Variants in GRM1 observed in about 807,000 individuals in gnomAD.
The protein encoded by GRM1 is metabotropic glutamate receptor 1.
In GRM1, 33 loss-of-function variants were observed where a neutral mutation model predicts 90.9. The ratio of observed to expected loss-of-function variants is 0.36; its 90% CI spans 0.28 to 0.49. The LOEUF (loss-of-function observed/expected upper bound fraction) is 0.49. GRM1 is among the 20% of genes least tolerant of loss of function. The pLI, the probability that GRM1 is intolerant of heterozygous loss-of-function variation, is 0.99. For synonymous variants in GRM1, 700 were observed against 613.2 expected (o/e 1.14, Z -2.09); for missense variants, 1,190 against 1,534.3 (o/e 0.78, Z 3.75).
intron 1 of GRM1, among the ~76,000 whole-genome samples, chr6:146,133,282 T>G (rs1194365190): frequency 6.6e-6 from 1 of 152,252 alleles, no homozygotes; most frequent in Non-Finnish European, 1.5e-5. Context: ...ATTCCTAATT[T>G]TGGGCTTCTC....
chr6:146,111,503 A>G (rs902012125), intron 1 of GRM1, among the ~76,000 whole-genome samples: 2 of 152,254 alleles, frequency 1.3e-5, no homozygotes, highest in African/African-American at 4.8e-5. Flanking sequence ...TTGATAACAT[A>G]GTCACAGCAG....
At chr6:146,432,047 CAGAAA>C (rs1323460702) in intron 7 of GRM1, among the ~76,000 whole-genome samples, 1 of 152,136 alleles carries the variant, frequency 6.6e-6, no homozygotes, top group Non-Finnish European at 1.5e-5. Context: ...TTGTTTACCT[CAGAAA>C]AGAGTCAGCT....
chr6:146,432,406 A>G (rs1583492045), intron 7 of GRM1, among the ~76,000 whole-genome samples: 2 of 152,342 alleles, frequency 1.3e-5, no homozygotes, highest in South Asian at 2.1e-4. Flanking sequence ...ATGTCAAAAT[A>G]TTACCTTCAT....
intron 2 of GRM1, among the ~76,000 whole-genome samples, chr6:146,213,699 GATA>G (rs1779758106): frequency 6.6e-6 from 1 of 151,180 alleles, no homozygotes; most frequent in African/African-American, 2.4e-5. Context: ...TAGATAGATA[GATA>G]GATAGATAGA....
At chr6:146,372,033 C>G (rs1775922298) in intron 5 of GRM1, among the ~76,000 whole-genome samples, 1 of 152,008 alleles carries the variant, frequency 6.6e-6, no homozygotes, top group Non-Finnish European at 1.5e-5. Flanking sequence ...TAAGGAAACT[C>G]CAAACTATTC....
At chr6:146,112,952 G>A (rs1277369837) in intron 1 of GRM1, among the ~76,000 whole-genome samples, 1 of 151,932 alleles carries the variant, frequency 6.6e-6, no homozygotes, top group Non-Finnish European at 1.5e-5. Context: ...CAATAGACAG[G>A]GTAAAACTTT....
intron 7 of GRM1, among the ~76,000 whole-genome samples, chr6:146,403,728 C>T (rs113132996): frequency 0.013 from 2,026 of 152,172 alleles, 46 homozygotes; most frequent in African/African-American, 0.042. Context: ...AGTGAGTTTA[C>T]AGATATCATG....
At chr6:146,143,202 G>A (rs974053759) in intron 1 of GRM1, among the ~76,000 whole-genome samples, 10 of 152,150 alleles carry the variant, frequency 6.6e-5, no homozygotes, top group Admixed American at 1.3e-4. Context: ...AGGTCCTCAC[G>A]TTCTTTGAAT....
Position 146,188,860 on chromosome 6 carries a change from A to G in GRM1, c.950+29263A>G, listed in dbSNP as rs188815361. Among the ~76,000 whole-genome samples, 926 of 152,312 alleles carry G rather than the reference A, an allele frequency of 6.1e-3. 8 individuals carry two copies. Among genetic ancestry groups the G allele is most frequent in the Non-Finnish European group, 6.3e-3 (429 of 68,038 alleles). On this transcript the variant is annotated intron_variant, in intron 2 of 7. Transcript: ENST00000282753. ...TGCCTCACTTCCAAACAACAGTAGT[A>G]GTTACACATTTCTCTTTTCCCTGGC...
intron 2 of GRM1, among the ~76,000 whole-genome samples, chr6:146,179,657 G>C (rs543038456): frequency 3.3e-5 from 5 of 152,248 alleles, no homozygotes; most frequent in African/African-American, 1.2e-4. Flanking sequence ...GGGACTACAG[G>C]TGCCGGCCAC....
At chr6:146,140,645 A>G (rs1776841499) in intron 1 of GRM1, among the ~76,000 whole-genome samples, 1 of 152,234 alleles carries the variant, frequency 6.6e-6, no homozygotes, top group African/African-American at 2.4e-5. Context: ...TAAACGGATG[A>G]AAACTTAACA....
At chr6:146,414,681 T>C (rs148177155) in intron 7 of GRM1, among the ~76,000 whole-genome samples, 1,965 of 152,290 alleles carry the variant, frequency 0.013, 48 homozygotes, top group African/African-American at 0.045. Flanking sequence ...GCATTACAGG[T>C]GTGAGCCACC....
At chr6:146,188,340 A>G (rs1429463428) in intron 2 of GRM1, among the ~76,000 whole-genome samples, 2 of 152,106 alleles carry the variant, frequency 1.3e-5, no homozygotes, top group South Asian at 2.1e-4. Flanking sequence ...TTTTTGTAGC[A>G]TACAGTCTAG....
intron 2 of GRM1, among the ~76,000 whole-genome samples, chr6:146,234,771 C>G (rs1265925720): frequency 6.6e-6 from 1 of 152,098 alleles, no homozygotes; most frequent in African/African-American, 2.4e-5. Context: ...GAGACAGGGT[C>G]TCACTCTGTC....
At chr6:146,253,774 C>A (rs1025215742) in intron 2 of GRM1, among the ~76,000 whole-genome samples, 1 of 152,116 alleles carries the variant, frequency 6.6e-6, no homozygotes, top group South Asian at 2.1e-4. Context: ...ACTGACAAAT[C>A]TTCTGCATAA....
chr6:146,164,238 G>T (rs958244877), intron 2 of GRM1, among the ~76,000 whole-genome samples: 3 of 152,116 alleles, frequency 2.0e-5, no homozygotes, highest in Non-Finnish European at 4.4e-5. Context: ...TTGAAAAGCA[G>T]AGAAGTTCAA....
rs1044236686 is a variant in GRM1, at chr6:146,281,478, A to G, written c.951-23133A>G. Among the ~76,000 whole-genome samples the G allele has an allele frequency of 1.7e-4, 26 of 152,234 alleles. 1 individual carries two copies. Among genetic ancestry groups the G allele is most frequent in the Non-Finnish European group, 1.0e-4 (7 of 68,044 alleles). On this transcript the variant is annotated intron_variant, in intron 2 of 7. Transcript: ENST00000282753. ...AACTCAGACTCCTAAAGAAATTGTA[A>G]TTAAAAATGGCCTTTTGCTATGTTT...
intron 3 of GRM1, among the ~76,000 whole-genome samples, chr6:146,347,521 CA>C (rs1178375044): frequency 6.6e-6 from 1 of 151,988 alleles, no homozygotes; most frequent in Non-Finnish European, 1.5e-5. Flanking sequence ...AGTTAGTATG[CA>C]AATATCACCA....
At chr6:146,381,405 G>A (rs1284079550) in intron 5 of GRM1, among the ~76,000 whole-genome samples, 1 of 152,136 alleles carries the variant, frequency 6.6e-6, no homozygotes, top group Non-Finnish European at 1.5e-5. Flanking sequence ...TATTCTAACA[G>A]GACAGCACTG....
Sources: allele counts gnomAD v4.1 joint callset (sites outside exome capture counted in the v4.1 genomes callset), GRCh38; gene constraint gnomAD v4.1.1; transcripts MANE v1.5; gene names NCBI Gene and HGNC (gene_info 2026-07-23, HGNC 2026-07-21).